The following TBL1XR1 variants were observed in gnomAD, a reference collection of about 807,000 sequenced individuals.
The protein encoded by TBL1XR1 is TBL1X/Y related 1, also known as F-box-like/WD repeat-containing protein TBL1XR1.
Under a neutral mutation model 66.9 loss-of-function variants are expected in TBL1XR1, and 5 were observed. That is an observed-to-expected ratio of 0.07 (90% CI 0.04 to 0.16). The LOEUF (loss-of-function observed/expected upper bound fraction) is 0.16. TBL1XR1 is among the 10% of genes least tolerant of loss of function. The pLI is 1.00. For synonymous variants in TBL1XR1, 210 were observed against 206.0 expected (o/e 1.02, Z -0.17); for missense variants, 238 against 623.2 (o/e 0.38, Z 6.58).
At chr3:177,112,801 G>A (rs1294637900) in intron 1 of TBL1XR1, among the ~76,000 whole-genome samples, 3 of 151,966 alleles carry the variant, frequency 2.0e-5, no homozygotes, top group African/African-American at 4.8e-5. Flanking sequence ...TCAGGAGTTC[G>A]AAACCAGCCT....
At chr3:177,063,848 G>C (rs754810073) in intron 3 of TBL1XR1, among the ~76,000 whole-genome samples, 3 of 152,106 alleles carry the variant, frequency 2.0e-5, no homozygotes, top group Non-Finnish European at 4.4e-5. Context: ...ACCTCAGAGA[G>C]GGGCAGTGAT....
chr3:177,045,113 T>C (rs1404450332), intron 10 of TBL1XR1: 2 of 152,156 alleles, frequency 1.3e-5, no homozygotes, highest in Non-Finnish European at 2.9e-5. Context: ...TTGGCTTGTT[T>C]AGGCACACTA....
At chr3:177,196,669 CTA>C (rs2109028101) in intron 1 of TBL1XR1, among the ~76,000 whole-genome samples, 1 of 151,924 alleles carries the variant, frequency 6.6e-6, no homozygotes, top group Non-Finnish European at 1.5e-5. Context: ...TAAAAATAGG[CTA>C]TAAAGGAGTC....
chr3:177,022,413 G>GTT lies in TBL1XR1; in HGVS notation c.*3084_*3085insAA, dbSNP rs1553803795. On this transcript the variant is annotated 3_prime_UTR_variant, in exon 16 of 16. Coordinates refer to ENST00000457928, the MANE Select transcript of TBL1XR1 (RefSeq NM_024665.7). ...TTCTAAAAGTCATTTGAAAGTCAAT[G>GTT]ATGTTATCTGGTCAATGGCAGGAAA... is the stretch of plus-strand genomic sequence containing the variant. The GTT allele has an allele frequency of 1.3e-5, 2 of 152,590 alleles. No homozygotes were observed. The highest frequency in any genetic ancestry group is 1.3e-4 in the Admixed American group (2 of 15,284). The allele number at this position is 152,590 out of a possible 1,614,324, so 9.5% of individuals were successfully genotyped here.
intron 14 of TBL1XR1, among the ~76,000 whole-genome samples, chr3:177,030,163 G>A (rs1487174119): frequency 6.6e-6 from 1 of 151,854 alleles, no homozygotes; most frequent in East Asian, 1.9e-4. Flanking sequence ...GACACACACA[G>A]AGAAGCGTTA....
chr3:177,142,117 G>A (rs1018050755), intron 1 of TBL1XR1, among the ~76,000 whole-genome samples: 1 of 152,188 alleles, frequency 6.6e-6, no homozygotes, highest in Non-Finnish European at 1.5e-5. Flanking sequence ...ACTGGAGACT[G>A]ATTGTAGTGC....
rs115195763 is a variant in TBL1XR1 at position 177,050,766 on chromosome 3, G to T, written c.428-156C>A. 2.3e-3 allele frequency among the ~76,000 whole-genome samples: 289 copies of T among 125,612 alleles called. 1 individual carries two copies. The highest frequency in any genetic ancestry group is 8.0e-3 in the African/African-American group (264 of 33,100). The allele number at this position is 125,612 out of a possible 152,430, so 82.4% of individuals were successfully genotyped here. A position where few individuals can be genotyped will look rare whatever the true frequency, so the allele number is the denominator to read the frequency against. On this transcript the variant is annotated intron_variant, in intron 5 of 15. Coordinates refer to ENST00000457928, the MANE Select transcript of TBL1XR1 (RefSeq NM_024665.7). ...AGCTGAACATGACTACACAGTCTTA[G>T]TCACACAGAAAATAAATTCTTATCT...
rs759578492 is a variant in TBL1XR1 at position 177,098,012 on chromosome 3, G to A, written c.-46+454C>T. The stretch of plus-strand genomic sequence containing the variant: ...ACCTGCGGTCAGGGGTTCGAGACCA[G>A]CCTGGCCAACATGGTGAAATCCTGT... On this transcript the variant is annotated intron_variant, in intron 2 of 15. Transcript: ENST00000457928. 3.3e-5 allele frequency among the ~76,000 whole-genome samples: 5 copies of A among 152,240 alleles called. No homozygotes were observed. The South Asian group carries it at 1.0e-3, about 32-fold the overall frequency.
At chr3:177,112,082 TATATATATATATA>T (rs1725648065) in intron 1 of TBL1XR1, among the ~76,000 whole-genome samples, 1 of 38,950 alleles carries the variant, frequency 2.6e-5, no homozygotes, top group Non-Finnish European at 4.8e-5. Context: ...CAAATATATA[TATATATATATATA>T]TATATATATA....
chr3:177,050,719 A>G, intron 5 of TBL1XR1, 109 bp from the exon 6 acceptor site: 1 of 1,171,758 alleles, frequency 8.5e-7, no homozygotes, highest in Non-Finnish European at 1.2e-6. Flanking sequence ...ACAGTGTAAC[A>G]TTTTTCAATT....
chr3:177,029,776 T>C (rs892892951), intron 14 of TBL1XR1, among the ~76,000 whole-genome samples: 3 of 152,050 alleles, frequency 2.0e-5, no homozygotes, highest in Non-Finnish European at 2.9e-5. Context: ...CACTAATCAG[T>C]ACAGAATATA....
rs111265316 is a variant in TBL1XR1 at position 177,188,023 on chromosome 3, C to A, written c.-122+9098G>T. On this transcript the variant is annotated intron_variant, in intron 1 of 15. Coordinates refer to ENST00000457928, the MANE Select transcript of TBL1XR1 (RefSeq NM_024665.7). ...GGAATACAGTGGCACGATCTCAGCT[C>A]ATGGCAACCTCCACCTCCCAGGTTC... Among the ~76,000 whole-genome samples, 1,283 of 143,926 alleles carry A rather than the reference C, an allele frequency of 8.9e-3. 19 individuals carry two copies. The highest frequency in any genetic ancestry group is 0.033 in the African/African-American group (1,233 of 37,732). 94.4% of individuals were successfully genotyped at this position (143,926 alleles called of 152,430 possible).
intron 1 of TBL1XR1, among the ~76,000 whole-genome samples, chr3:177,155,932 C>T (rs1372851386): frequency 6.6e-6 from 1 of 151,750 alleles, no homozygotes; most frequent in Non-Finnish European, 1.5e-5. Context: ...TCACTTGAAC[C>T]CGAGAGGTGA....
At chr3:177,163,271 C>T (rs986719957) in intron 1 of TBL1XR1, among the ~76,000 whole-genome samples, 1 of 152,088 alleles carries the variant, frequency 6.6e-6, no homozygotes, top group African/African-American at 2.4e-5. Flanking sequence ...CTTTGGGAGG[C>T]CAAGGCGGGC....
intron 1 of TBL1XR1, among the ~76,000 whole-genome samples, chr3:177,122,053 G>A (rs1727036289): frequency 1.3e-5 from 2 of 152,070 alleles, no homozygotes; most frequent in African/African-American, 4.8e-5. Flanking sequence ...ACCATGAAGT[G>A]TTGAAATCTA....
intron 1 of TBL1XR1, among the ~76,000 whole-genome samples, chr3:177,134,868 G>C (rs1205715675): frequency 1.3e-5 from 2 of 151,608 alleles, no homozygotes; most frequent in South Asian, 4.2e-4. Context: ...AAACTAACGG[G>C]TATACAGTAA....
chr3:177,073,723 G>GCCAAACTTACCCCATTTGCTA (rs1415974082), intron 2 of TBL1XR1, among the ~76,000 whole-genome samples: 1 of 152,150 alleles, frequency 6.6e-6, no homozygotes, highest in East Asian at 1.9e-4. Flanking sequence ...GGGCTTCATA[G>GCCAAACTTACCCCATTTGCTA]CCAAACTTAC....
At chr3:177,103,898 T>C (rs932738049) in intron 1 of TBL1XR1, among the ~76,000 whole-genome samples, 29 of 152,072 alleles carry the variant, frequency 1.9e-4, no homozygotes, top group Admixed American at 1.8e-3. Flanking sequence ...GGGAGATCAC[T>C]TGAGGTCAGA....
rs572681549 is a variant in TBL1XR1 at position 177,139,214 on chromosome 3, T to C, written c.-121-40673A>G. 4.4e-4 allele frequency among the ~76,000 whole-genome samples: 67 copies of C among 152,108 alleles called. 1 individual carries two copies. The South Asian group carries it at 0.014, about 32-fold the overall frequency. On this transcript the variant is annotated intron_variant, in intron 1 of 15. Transcript: ENST00000457928. ...CATTTAAGAAAAAAACAAATAGCAA[T>C]GGCTATTAAAAATTAGTAAAGCACT... is the stretch of plus-strand genomic sequence containing the variant.
Sources: gnomAD v4.1 joint callset for allele counts (sites outside exome capture counted in the v4.1 genomes callset) on GRCh38, gnomAD v4.1.1 for gene constraint, MANE v1.5 for transcripts, NCBI Gene and HGNC (gene_info 2026-07-23, HGNC 2026-07-21) for gene names.